FAM149A: variants seen among roughly 807,000 people sequenced by gnomAD.
FAM149A encodes protein FAM149A.
A neutral mutation model predicts 78.2 loss-of-function variants in FAM149A; 71 were observed. The observed-to-expected ratio is 0.91, with a 90% CI of 0.75 to 1.11. The LOEUF (loss-of-function observed/expected upper bound fraction) is 1.11. Among genes scored for constraint, FAM149A ranks in the 50% least tolerant of loss-of-function variants. FAM149A has a pLI of 0.00. For synonymous variants in FAM149A, 446 were observed against 410.5 expected (o/e 1.09, Z -1.04); for missense variants, 1,036 against 971.0 (o/e 1.07, Z -0.89).
In FAM149A at chr4:186,150,477, G is replaced by A. The variant is rs13127757; in HGVS notation, c.789+773G>A. ...CTCTGTCGCCCAGGCTGGAGTGCAG[G>A]GGCGCGATCTCGGCTCACTGCAAGC... On this transcript the variant is annotated intron_variant, in intron 3 of 13. Transcript: ENST00000389354. 2.6e-5 allele frequency among the ~76,000 whole-genome samples: 3 copies of A among 115,774 alleles called. No individual in the cohort carries two copies. In the Admixed American group the frequency reaches 2.7e-4, roughly 10 times the overall value. 76.0% of individuals were successfully genotyped at this position (115,774 alleles called of 152,430 possible).
intron 1 of FAM149A, chr4:186,109,845 A>G (rs2099310473): frequency 1.0e-6 from 1 of 985,304 alleles, no homozygotes; most frequent in South Asian, 4.7e-5. Context: ...AACAAATTAT[A>G]GTACATGCCA....
intron 1 of FAM149A, chr4:186,125,579 A>C: frequency 2.0e-6 from 1 of 511,210 alleles, no homozygotes; most frequent in Non-Finnish European, 2.5e-6. Flanking sequence ...TCTCACGAGA[A>C]TTTGCACACG....
In FAM149A at chr4:186,105,346, A is replaced by C; in HGVS notation, c.270A>C (p.Ala90=). 3 of 1,175,548 alleles carry C rather than the reference A, an allele frequency of 2.6e-6. No individual in the cohort carries two copies. The highest frequency in any genetic ancestry group is 3.2e-6 in the Non-Finnish European group (3 of 942,516). The allele number at this position is 1,175,548 out of a possible 1,614,324, so 72.8% of individuals were successfully genotyped here. A position where few individuals can be genotyped will look rare whatever the true frequency, so the allele number is the denominator to read the frequency against. The change falls in exon 1 of 14, where the codon GCA becomes GCC. Residue 90 remains alanine (A), a synonymous_variant. Coordinates refer to ENST00000389354, the MANE Select transcript of FAM149A (RefSeq NM_001367768.3). ...CCGCCGCCAGCCGCGCCGCGGGAGC[A>C]GTGGGGACCCTGCTCTCTTGGCCCA...
intron 1 of FAM149A, among the ~76,000 whole-genome samples, chr4:186,143,050 G>A (rs1224980235): frequency 6.6e-6 from 1 of 151,748 alleles, no homozygotes; most frequent in Non-Finnish European, 1.5e-5. Context: ...CCTACTATGG[G>A]TGTTAAATAT....
intron 4 of FAM149A, among the ~76,000 whole-genome samples, chr4:186,152,607 C>G (rs572297470): frequency 1.8e-4 from 24 of 133,526 alleles, no homozygotes; most frequent in Non-Finnish European, 3.1e-4. Flanking sequence ...TGCAGTGGCG[C>G]GATCTCAGCT....
At chr4:186,107,043 A>G (rs1331619342) in intron 1 of FAM149A, among the ~76,000 whole-genome samples, 1 of 152,236 alleles carries the variant, frequency 6.6e-6, no homozygotes, top group African/African-American at 2.4e-5. Context: ...ATGTTTATCA[A>G]CTGATAGTTT....
intron 1 of FAM149A, among the ~76,000 whole-genome samples, chr4:186,133,603 C>T (rs1372494581): frequency 6.6e-6 from 1 of 152,138 alleles, no homozygotes; most frequent in African/African-American, 2.4e-5. Flanking sequence ...TTTATCCATT[C>T]TTCTGTTGAT....
chr4:186,104,975 C>A lies in FAM149A; in HGVS notation c.-102C>A. The A allele has an allele frequency of 2.5e-6, 3 of 1,190,696 alleles. No homozygotes were observed. Among genetic ancestry groups the A allele is most frequent in the Admixed American group, 3.4e-5 (1 of 29,328 alleles). 73.8% of individuals were successfully genotyped at this position (1,190,696 alleles called of 1,614,324 possible). ...CCAGGGGCCTCCGGGGCTCCGGGTG[C>A]GGGGACCTCAGGCTCCTCGCCCCGG... is the stretch of plus-strand genomic sequence containing the variant. On this transcript the variant is annotated 5_prime_UTR_variant, in exon 1 of 14. Transcript: ENST00000389354.
At chr4:186,105,826 G>A (rs1377368787) in intron 1 of FAM149A, among the ~76,000 whole-genome samples, 184 bp downstream of exon 1, 1 of 152,240 alleles carries the variant, frequency 6.6e-6, no homozygotes. Context: ...CGGGCTTTCA[G>A]ACATAAGCTG....
At chr4:186,130,543 GAT>G (rs1167499117) in intron 1 of FAM149A, among the ~76,000 whole-genome samples, 4 of 150,522 alleles carry the variant, frequency 2.7e-5, no homozygotes, top group African/African-American at 7.3e-5. Flanking sequence ...TATTTCTGTA[GAT>G]ATGGGGTTTT....
chr4:186,138,102 A>G (rs540100891), intron 1 of FAM149A, among the ~76,000 whole-genome samples: 17 of 152,322 alleles, frequency 1.1e-4, no homozygotes, highest in Admixed American at 1.1e-3. Flanking sequence ...GCAGCTCCCT[A>G]TTATTCTGGT....
chr4:186,120,437 G>T (rs2099315485), intron 1 of FAM149A, among the ~76,000 whole-genome samples: 1 of 151,954 alleles, frequency 6.6e-6, no homozygotes, highest in African/African-American at 2.4e-5. Context: ...AGTAATTCAT[G>T]GTATTTCCAC....
chr4:186,130,933 G>A (rs893673104), intron 1 of FAM149A, among the ~76,000 whole-genome samples: 2 of 152,152 alleles, frequency 1.3e-5, no homozygotes, highest in South Asian at 4.1e-4. Flanking sequence ...CTGAATGTCT[G>A]TGCCTTTCCC....
chr4:186,127,350 C>G (rs927094796), intron 1 of FAM149A: 2 of 985,300 alleles, frequency 2.0e-6, no homozygotes, highest in African/African-American at 3.5e-5. Context: ...AAACATCCTT[C>G]CAGTCTACCT....
intron 8 of FAM149A, among the ~76,000 whole-genome samples, chr4:186,159,816 C>G (rs184374701): frequency 6.5e-4 from 96 of 148,828 alleles, no homozygotes; most frequent in African/African-American, 2.3e-3. Flanking sequence ...CACTGCCCAC[C>G]TTGTGGGGGG....
chr4:186,105,681 C>G, intron 1 of FAM149A, 39 bp downstream of exon 1: 1 of 1,030,850 alleles, frequency 9.7e-7, no homozygotes, highest in South Asian at 3.1e-5. Context: ...TACCTTTTGC[C>G]GGGACCCCCG....
chr4:186,105,404 C>A lies in FAM149A; in HGVS notation c.328C>A (p.Pro110Thr). ...TAGAGCGGGTAAAGCCCCGCCCCAGCCCCCCACTCCCTCCGGCGGGGGCTG... is the reference window on the plus strand; with the variant it reads ...TAGAGCGGGTAAAGCCCCGCCCCAGACCCCCACTCCCTCCGGCGGGGGCTG... The change falls in exon 1 of 14, where the codon CCC (proline) becomes ACC (threonine). Residue 110 changes from proline to threonine, a missense_variant. This residue lies in a region of FAM149A where 316 missense variants were observed against 241.9 expected (regional missense o/e 1.31). Coordinates refer to ENST00000389354, the MANE Select transcript of FAM149A (RefSeq NM_001367768.3). 1 of 1,175,876 alleles carries A rather than the reference C, an allele frequency of 8.5e-7. No homozygotes were observed. Among genetic ancestry groups the A allele is most frequent in the Non-Finnish European group, 1.1e-6 (1 of 939,432 alleles). 72.8% of individuals were successfully genotyped at this position (1,175,876 alleles called of 1,614,324 possible).
chr4:186,152,864 G>A (rs1362228032), intron 4 of FAM149A, among the ~76,000 whole-genome samples: 1 of 152,096 alleles, frequency 6.6e-6, no homozygotes, highest in Non-Finnish European at 1.5e-5. Context: ...TTATCTTTCA[G>A]TCACTCAGCC....
chr4:186,161,354 G>T lies in FAM149A; in HGVS notation c.1576-1491G>T, dbSNP rs143562698. Among the ~76,000 whole-genome samples the T allele has an allele frequency of 7.3e-4, 111 of 152,328 alleles. 1 individual carries two copies. The highest frequency in any genetic ancestry group is 2.6e-3 in the African/African-American group (107 of 41,576). On this transcript the variant is annotated intron_variant, in intron 8 of 13. Coordinates refer to ENST00000389354, the MANE Select transcript of FAM149A (RefSeq NM_001367768.3). The stretch of plus-strand genomic sequence containing the variant: ...TCTTTGTGAGACTGAAGGGACACAG[G>T]CCTGAACAGAACCTGTGCTTCGGGG...
Sources: allele counts gnomAD v4.1 joint callset (sites outside exome capture counted in the v4.1 genomes callset), GRCh38; gene constraint gnomAD v4.1.1; regional missense constraint gnomAD v4.1.1; transcripts MANE v1.5; gene names NCBI Gene and HGNC (gene_info 2026-07-23, HGNC 2026-07-21).